MB21D2: variants seen among roughly 807,000 people sequenced by gnomAD.
MB21D2 encodes the protein Mab-21 domain containing 2.
In MB21D2, 9 loss-of-function variants were observed where a neutral mutation model predicts 33.3. That is an observed-to-expected ratio of 0.27 (90% CI 0.16 to 0.47). The LOEUF (loss-of-function observed/expected upper bound fraction) is 0.47, where lower values mean the gene tolerates loss of function less well. MB21D2 is among the 20% of genes least tolerant of loss of function. The pLI, the probability that MB21D2 is intolerant of heterozygous loss-of-function variation, is 0.99. For synonymous variants in MB21D2, 241 were observed against 236.3 expected, an observed-to-expected ratio of 1.02 and a Z score of -0.18; for missense variants, 540 against 624.6, an observed-to-expected ratio of 0.86 and a Z score of 1.44.
chr3:192,906,340 A>G (rs1273648268), intron 1 of MB21D2, among the ~76,000 whole-genome samples: 1 of 152,162 alleles, frequency 6.6e-6, no homozygotes, highest in Non-Finnish European at 1.5e-5. Context: ...TTTACCCACA[A>G]AAAGCAGCTC....
intron 1 of MB21D2, among the ~76,000 whole-genome samples, chr3:192,832,377 A>G (rs1469088372): frequency 6.6e-6 from 1 of 152,262 alleles, no homozygotes; most frequent in Non-Finnish European, 1.5e-5. Flanking sequence ...ACTGAAGGCC[A>G]ATGCAAAAAA....
chr3:192,910,123 A>G (rs1714313936), intron 1 of MB21D2, among the ~76,000 whole-genome samples: 1 of 151,362 alleles, frequency 6.6e-6, no homozygotes, highest in Non-Finnish European at 1.5e-5. Context: ...AGGTAGGTAA[A>G]ATCCTCGGAG....
In MB21D2 at chr3:192,881,805, A is replaced by G. The variant is rs61404302; in HGVS notation, c.211+35825T>C. Among the ~76,000 whole-genome samples the G allele has an allele frequency of 3.9e-3, 594 of 152,278 alleles. 6 individuals carry two copies. Among genetic ancestry groups the G allele is most frequent in the African/African-American group, 0.014 (580 of 41,502 alleles). On this transcript the variant is annotated intron_variant, in intron 1 of 1. Transcript: ENST00000392452. ...TGAAATTGTATCACTAGGGAGCTAT[A>G]AATGCCACATGAGCAAAACGAAGCG...
At chr3:192,887,883 T>C (rs1256246647) in intron 1 of MB21D2, among the ~76,000 whole-genome samples, 2 of 152,046 alleles carry the variant, frequency 1.3e-5, no homozygotes, top group Non-Finnish European at 2.9e-5. Context: ...TTCTCTTCAG[T>C]AAGGCTTGGG....
At chr3:192,885,896 A>C (rs569213367) in intron 1 of MB21D2, among the ~76,000 whole-genome samples, 2 of 152,268 alleles carry the variant, frequency 1.3e-5, no homozygotes, top group African/African-American at 4.8e-5. Flanking sequence ...TCCCACACAC[A>C]TCACAAATGG....
chr3:192,848,456 T>TA (rs1339792435), intron 1 of MB21D2, among the ~76,000 whole-genome samples: 8 of 152,212 alleles, frequency 5.3e-5, no homozygotes, highest in Non-Finnish European at 1.2e-4. Context: ...TCAGTACTTT[T>TA]AAACTGTACT....
intron 1 of MB21D2, among the ~76,000 whole-genome samples, chr3:192,885,033 G>A (rs1177985230): frequency 6.6e-6 from 1 of 152,078 alleles, no homozygotes; most frequent in East Asian, 1.9e-4. Context: ...AGAGATATTT[G>A]AGAATTGAGG....
intron 1 of MB21D2, among the ~76,000 whole-genome samples, chr3:192,914,082 G>A (rs990220660): frequency 2.6e-5 from 4 of 152,026 alleles, no homozygotes; most frequent in Admixed American, 2.0e-4. Flanking sequence ...CTTTCCTCTG[G>A]ATTTTATGCA....
chr3:192,891,505 G>A (rs1934087693), intron 1 of MB21D2, among the ~76,000 whole-genome samples: 1 of 152,140 alleles, frequency 6.6e-6, no homozygotes, highest in South Asian at 2.1e-4. Flanking sequence ...CAAATCCATT[G>A]CAAGAGAAGA....
At chr3:192,819,823 T>A (rs1296912434) in intron 1 of MB21D2, among the ~76,000 whole-genome samples, 3 of 152,186 alleles carry the variant, frequency 2.0e-5, no homozygotes, top group Admixed American at 6.5e-5. Context: ...TTCCAGGTAC[T>A]CCAGCTTGGG....
intron 1 of MB21D2, 133 bp downstream of exon 1, chr3:192,917,497 T>A (rs985870015): frequency 3.7e-6 from 3 of 803,526 alleles, no homozygotes; most frequent in Non-Finnish European, 4.0e-6. Context: ...GGAACAGAGA[T>A]GGCTTATACC....
chr3:192,909,796 G>A (rs540584007), intron 1 of MB21D2, among the ~76,000 whole-genome samples: 50 of 151,932 alleles, frequency 3.3e-4, no homozygotes, highest in African/African-American at 1.2e-3. Context: ...GCTAGGCATG[G>A]TGGCACGCAC....
intron 1 of MB21D2, among the ~76,000 whole-genome samples, chr3:192,862,917 T>G (rs954490996): frequency 1.3e-5 from 2 of 152,202 alleles, no homozygotes; most frequent in Non-Finnish European, 2.9e-5. Flanking sequence ...AATGGTGCCC[T>G]GTTGCTGCAC....
chr3:192,798,969 A>G lies in MB21D2; in HGVS notation c.893T>C (p.Leu298Ser). Residue 298 changes from leucine to serine, a missense_variant, in exon 2 of 2, where the codon TTG (leucine) becomes TCG (serine). Coordinates refer to ENST00000392452, the MANE Select transcript of MB21D2 (RefSeq NM_178496.4). The surrounding 1 kb of genome is among the most constrained non-coding windows in gnomAD (Gnocchi z 4.8). ...RLSFARSEVQ[L>S]KKCISSSLMQ... ...GAGGCTGCTGGAGATGCACTTCTTC[A>G]ACTGCACCTCGCTCCTGGCAAAGGA... The G allele has an allele frequency of 6.2e-7, 1 of 1,613,980 alleles. No individual in the cohort carries two copies. Among genetic ancestry groups the G allele is most frequent in the Non-Finnish European group, 8.5e-7 (1 of 1,179,960 alleles).
chr3:192,907,646 A>C (rs1273723487), intron 1 of MB21D2, among the ~76,000 whole-genome samples: 7 of 152,240 alleles, frequency 4.6e-5, no homozygotes, highest in African/African-American at 1.7e-4. Flanking sequence ...CCTAAGGATA[A>C]TACCATACCA....
intron 1 of MB21D2, among the ~76,000 whole-genome samples, chr3:192,826,257 T>C (rs1712171891): frequency 6.6e-6 from 1 of 152,238 alleles, no homozygotes; most frequent in African/African-American, 2.4e-5. Flanking sequence ...GCCCTTTGAG[T>C]ACAACATCCA....
chr3:192,869,819 T>A (rs995021410), intron 1 of MB21D2, among the ~76,000 whole-genome samples: 1 of 152,120 alleles, frequency 6.6e-6, no homozygotes, highest in Non-Finnish European at 1.5e-5. Context: ...ATGAAAAACA[T>A]CACTGCTCCT....
intron 1 of MB21D2, among the ~76,000 whole-genome samples, chr3:192,837,268 T>C (rs888863941): frequency 3.9e-5 from 6 of 152,172 alleles, no homozygotes; most frequent in Admixed American, 3.9e-4. Flanking sequence ...AGGGGCCTTC[T>C]GAAGTTTGTA....
chr3:192,857,381 C>T (rs892646438), intron 1 of MB21D2, among the ~76,000 whole-genome samples: 2 of 152,146 alleles, frequency 1.3e-5, no homozygotes, highest in Admixed American at 1.3e-4. Context: ...GAACTGCAGT[C>T]GTGTCAAGGG....
Sources: allele counts gnomAD v4.1 joint callset (sites outside exome capture counted in the v4.1 genomes callset), GRCh38; gene constraint gnomAD v4.1.1; non-coding constraint Gnocchi (gnomAD v3.1); transcripts MANE v1.5; gene names NCBI Gene and HGNC (gene_info 2026-07-23, HGNC 2026-07-21).